Variants in DLGAP1 observed in about 807,000 individuals in gnomAD.
The protein encoded by DLGAP1 is DLG associated protein 1, also known as disks large-associated protein 1.
DLGAP1 carries 11 observed loss-of-function variants against 90.8 expected under a neutral mutation model. The ratio of observed to expected loss-of-function variants is 0.12; its 90% CI spans 0.08 to 0.20. DLGAP1 has a LOEUF of 0.20. DLGAP1 is among the 10% of genes least tolerant of loss of function. The pLI is 1.00. For missense variants in DLGAP1, 1,050 were observed against 1,333.8 expected, an observed-to-expected ratio of 0.79 and a Z score of 3.31; for synonymous variants, 558 against 540.7, an observed-to-expected ratio of 1.03 and a Z score of -0.44.
intron 8 of DLGAP1, among the ~76,000 whole-genome samples, chr18:3,572,139 C>T (rs369697885): frequency 7.1e-6 from 1 of 140,876 alleles, no homozygotes; most frequent in Non-Finnish European, 1.5e-5. Context: ...AGTGCAATGG[C>T]GCGATCTCGG....
chr18:4,231,383 C>A lies in DLGAP1; in HGVS notation c.-266-80096G>T, dbSNP rs190240188. ...GGTGGCTGATCTCTAGGACAGCCTG[C>A]CAAGCTAGCTGGGTTTTGATTGGAT... is the stretch of plus-strand genomic sequence containing the variant. On this transcript the variant is annotated intron_variant, in intron 1 of 12. Coordinates refer to ENST00000315677, the MANE Select transcript of DLGAP1 (RefSeq NM_004746.4). Among the ~76,000 whole-genome samples, 22 of 152,242 alleles carry A rather than the reference C, an allele frequency of 1.4e-4. 1 individual carries two copies. The East Asian group carries it at 4.2e-3, about 29-fold the overall frequency.
At chr18:4,257,104 T>C (rs1794103518) in intron 1 of DLGAP1, among the ~76,000 whole-genome samples, 1 of 152,216 alleles carries the variant, frequency 6.6e-6, no homozygotes, top group African/African-American at 2.4e-5. Flanking sequence ...AGGGAGATAG[T>C]TATGGTTAGT....
At chr18:3,849,390 A>G (rs2069206506) in intron 4 of DLGAP1, among the ~76,000 whole-genome samples, 1 of 152,054 alleles carries the variant, frequency 6.6e-6, no homozygotes, top group African/African-American at 2.4e-5. Flanking sequence ...CCACCCTTCT[A>G]ATAGGATGAG....
chr18:4,396,423 T>G (rs938681584), intron 1 of DLGAP1, among the ~76,000 whole-genome samples: 1 of 152,226 alleles, frequency 6.6e-6, no homozygotes, highest in East Asian at 1.9e-4. Context: ...TTATCCAAAA[T>G]AGCAAAATTA....
chr18:3,772,342 C>CTCCT (rs2064655737), intron 5 of DLGAP1, among the ~76,000 whole-genome samples: 1 of 81,028 alleles, frequency 1.2e-5, no homozygotes, highest in Non-Finnish European at 2.8e-5. Context: ...TTCTCTCTCT[C>CTCCT]TCTCTCTTTC....
intron 5 of DLGAP1, among the ~76,000 whole-genome samples, chr18:3,766,030 C>T (rs1000388105): frequency 2.0e-5 from 3 of 152,090 alleles, no homozygotes; most frequent in Admixed American, 1.3e-4. Flanking sequence ...AAATAGCCTA[C>T]ATACGTCAAC....
At chr18:3,908,950 G>A (rs1205524129) in intron 3 of DLGAP1, among the ~76,000 whole-genome samples, 1 of 151,692 alleles carries the variant, frequency 6.6e-6, no homozygotes, top group Non-Finnish European at 1.5e-5. Flanking sequence ...TACTGTTCTG[G>A]TCACAAGGTA....
At chr18:4,366,292 T>C (rs1253488073) in intron 1 of DLGAP1, among the ~76,000 whole-genome samples, 1 of 152,120 alleles carries the variant, frequency 6.6e-6, no homozygotes, top group Non-Finnish European at 1.5e-5. Context: ...GAATTGGAAA[T>C]TTTGAACCAT....
chr18:3,551,120 A>G (rs1188784343), intron 9 of DLGAP1, among the ~76,000 whole-genome samples: 1 of 150,818 alleles, frequency 6.6e-6, no homozygotes, highest in Non-Finnish European at 1.5e-5. Flanking sequence ...AGTTTGTTGT[A>G]TTTTGTTATG....
rs1037380097 is a variant in DLGAP1 at position 3,498,289 on chromosome 18, A to G, written c.*896T>C. 9 of 152,220 alleles carry G rather than the reference A, an allele frequency of 5.9e-5. No homozygotes were observed. The highest frequency in any genetic ancestry group is 2.6e-4 in the Admixed American group (4 of 15,278). The allele number at this position is 152,220 out of a possible 1,614,324, so 9.4% of individuals were successfully genotyped here. A position where few individuals can be genotyped will look rare whatever the true frequency, so the allele number is the denominator to read the frequency against. ...AACAGCCGCCACGACAACAATATAA[A>G]TATACACAGTACAATAAGAGTTGAG... On this transcript the variant is annotated 3_prime_UTR_variant, in exon 13 of 13. Transcript: ENST00000315677.
At chr18:3,697,045 C>T (rs1004786476) in intron 7 of DLGAP1, among the ~76,000 whole-genome samples, 3 of 152,000 alleles carry the variant, frequency 2.0e-5, no homozygotes, top group Non-Finnish European at 4.4e-5. Flanking sequence ...TGGTGAGATC[C>T]CCTTTATCAT....
At chr18:3,955,375 T>C (rs765925629) in intron 3 of DLGAP1, among the ~76,000 whole-genome samples, 3 of 152,166 alleles carry the variant, frequency 2.0e-5, no homozygotes, top group Non-Finnish European at 4.4e-5. Context: ...ATCCAGTACC[T>C]GACAAGGTAA....
chr18:4,127,063 A>G (rs1395514271), intron 2 of DLGAP1, among the ~76,000 whole-genome samples: 1 of 152,204 alleles, frequency 6.6e-6, no homozygotes, highest in Non-Finnish European at 1.5e-5. Context: ...ATGACACTGT[A>G]ATATCAGTTG....
chr18:3,608,438 T>C (rs774707971), intron 7 of DLGAP1: 4 of 152,222 alleles, frequency 2.6e-5, no homozygotes, highest in Non-Finnish European at 5.9e-5. Context: ...TGGTATTGTT[T>C]GAGAAAATAA....
intron 5 of DLGAP1, among the ~76,000 whole-genome samples, chr18:3,779,873 T>A (rs2065112024): frequency 6.6e-6 from 1 of 151,004 alleles, no homozygotes; most frequent in African/African-American, 2.4e-5. Flanking sequence ...TACTGCAACC[T>A]CCACCTCCCG....
chr18:4,338,782 A>AT (rs2081127059), intron 1 of DLGAP1, among the ~76,000 whole-genome samples: 1 of 152,204 alleles, frequency 6.6e-6, no homozygotes, highest in African/African-American at 2.4e-5. Flanking sequence ...CAAATAAACT[A>AT]TTTCCCCTAT....
intron 7 of DLGAP1, chr18:3,597,558 G>A (rs1326819644): frequency 1.4e-5 from 4 of 282,968 alleles, no homozygotes; most frequent in African/African-American, 2.3e-5. Context: ...AGACTTCAGC[G>A]TGGATTCATC....
intron 8 of DLGAP1, among the ~76,000 whole-genome samples, chr18:3,576,721 T>C (rs371026363): frequency 1.7e-4 from 24 of 142,954 alleles, no homozygotes; most frequent in Admixed American, 1.0e-3. Context: ...TGCACCACCA[T>C]GCCCGGCTAA....
chr18:3,559,698 C>T (rs1323585484), intron 9 of DLGAP1, among the ~76,000 whole-genome samples: 7 of 150,470 alleles, frequency 4.7e-5, no homozygotes, highest in African/African-American at 1.7e-4. Flanking sequence ...TCTCAGCTCA[C>T]TGCAACCTCT....
Sources: allele counts gnomAD v4.1 joint callset (sites outside exome capture counted in the v4.1 genomes callset), GRCh38; gene constraint gnomAD v4.1.1; transcripts MANE v1.5; gene names NCBI Gene and HGNC (gene_info 2026-07-23, HGNC 2026-07-21).